N4BP2: variants seen among roughly 807,000 people sequenced by gnomAD.
N4BP2 encodes the protein NEDD4 binding protein 2.
In N4BP2, 91 loss-of-function variants were observed where a neutral mutation model predicts 152.8. The observed-to-expected ratio is 0.60, with a 90% CI of 0.50 to 0.71. The LOEUF is 0.71. Ranked by LOEUF, N4BP2 falls within the 30% of genes least tolerant of loss-of-function variation. The pLI is 0.00. For missense variants in N4BP2, 1,923 were observed against 2,059.1 expected, an observed-to-expected ratio of 0.93 and a Z score of 1.28; for synonymous variants, 646 against 705.3, an observed-to-expected ratio of 0.92 and a Z score of 1.33.
At chr4:40,100,782 G>A (rs746636783) in intron 3 of N4BP2, among the ~76,000 whole-genome samples, 19 of 152,190 alleles carry the variant, frequency 1.2e-4, no homozygotes, top group Non-Finnish European at 2.5e-4. Flanking sequence ...CTTGGGTCAA[G>A]TTAATGTACT....
At chr4:40,102,030 T>C (rs1417059826) in intron 3 of N4BP2, 45 bp from the exon 4 acceptor site, 5 of 1,175,532 alleles carry the variant, frequency 4.3e-6, no homozygotes, top group Non-Finnish European at 5.9e-6. Context: ...ATCTGTTTTC[T>C]CTGTCTATAT....
the N4BP2 span, among the ~76,000 whole-genome samples, chr4:40,175,338 G>GAAAAAAAAAAAAAAAAA: frequency 9.6e-6 from 1 of 103,744 alleles, no homozygotes. Flanking sequence ...GTGAAATATA[G>GAAAAAAAAAAAAAAAAA]AAAAAAAAAA....
chr4:40,062,340 T>C (rs927932551), intron 1 of N4BP2, among the ~76,000 whole-genome samples: 1 of 152,082 alleles, frequency 6.6e-6, no homozygotes, highest in African/African-American at 2.4e-5. Flanking sequence ...TAATATCTCT[T>C]GAATCTGTTC....
the N4BP2 span, among the ~76,000 whole-genome samples, chr4:40,183,819 GTC>G: frequency 1.1e-4 from 17 of 152,318 alleles, no homozygotes; most frequent in Middle Eastern, 3.4e-3. Context: ...CTTCTGCTGT[GTC>G]TCTCTGCAGT....
chr4:40,142,681 AT>A lies in N4BP2; in HGVS notation c.4796del (p.Leu1599Ter). 6.2e-7 allele frequency: 1 copy of A among 1,605,384 alleles called. No homozygotes were observed. Among genetic ancestry groups the A allele is most frequent in the Non-Finnish European group, 8.5e-7 (1 of 1,177,292 alleles). On this transcript the variant is annotated frameshift_variant, in exon 15 of 18. Transcript: ENST00000261435. LOFTEE classifies it high-confidence loss of function. ...QKSKEKKPKK[L>X]KETEETPSEL... is the part of the protein sequence containing the mutation. ...TGTTTAATATCTTATAGCCAAAGAA[AT>A]TAAAAGAGACTGAAGAAACACCAAG...
At chr4:40,082,123 A>G (rs959746951) in intron 2 of N4BP2, among the ~76,000 whole-genome samples, 5 of 152,006 alleles carry the variant, frequency 3.3e-5, no homozygotes, top group Non-Finnish European at 7.4e-5. Context: ...AAAAAATAAC[A>G]AAATAAATTG....
At chr4:40,066,535 GTCT>G (rs1381827862) in intron 1 of N4BP2, among the ~76,000 whole-genome samples, 1 of 150,508 alleles carries the variant, frequency 6.6e-6, no homozygotes, top group East Asian at 2.0e-4. Context: ...GGCCAGGCTG[GTCT>G]TGAACTCCTG....
In N4BP2 at chr4:40,101,985, A is replaced by G. The variant is rs549031621; in HGVS notation, c.230-90A>G. On this transcript the variant is annotated intron_variant, in intron 3 of 17. Transcript: ENST00000261435. ...TATATTCTGTTCAATGCAAAATCCA[A>G]TATAATTTTAGCTGGATTTTAATAA... is the stretch of plus-strand genomic sequence containing the variant. The G allele has an allele frequency of 1.4e-4, 109 of 784,666 alleles. No homozygotes were observed. The African/African-American group carries it at 1.8e-3, about 13-fold the overall frequency. 48.6% of individuals were successfully genotyped at this position (784,666 alleles called of 1,614,324 possible).
intron 13 of N4BP2, among the ~76,000 whole-genome samples, chr4:40,133,402 C>T (rs1403777690): frequency 1.3e-5 from 2 of 152,136 alleles, no homozygotes; most frequent in Non-Finnish European, 2.9e-5. Flanking sequence ...GTGGCACCAT[C>T]GTGGCTCACT....
Position 40,120,552 on chromosome 4 carries a change from A to C in N4BP2, c.2441A>C (p.Gln814Pro), listed in dbSNP as rs747854473. Residue 814 changes from glutamine (Q) to proline (P), a missense_variant, in exon 9 of 18, where the codon CAA becomes CCA. Transcript: ENST00000261435. ...AAAACTGAAAAAACTTCATCCGTACAAAGCGACAAAAAGTATAATTACCCT... is the reference window on the plus strand; with the variant it reads ...AAAACTGAAAAAACTTCATCCGTACCAAGCGACAAAAAGTATAATTACCCT... ...NRKTEKTSSV[Q>P]SDKKYNYPQS... 1 of 1,614,118 alleles carries C rather than the reference A, an allele frequency of 6.2e-7. No individual in the cohort carries two copies. The highest frequency in any genetic ancestry group is 1.7e-5 in the Admixed American group (1 of 60,028).
At chr4:40,063,285 G>A (rs1000745906) in intron 1 of N4BP2, among the ~76,000 whole-genome samples, 2 of 152,176 alleles carry the variant, frequency 1.3e-5, no homozygotes, top group Non-Finnish European at 2.9e-5. Context: ...AATAAGGATG[G>A]CCATGAAGAG....
intron 5 of N4BP2, among the ~76,000 whole-genome samples, chr4:40,108,733 A>C (rs1486800858): frequency 1.3e-5 from 2 of 152,168 alleles, no homozygotes; most frequent in Non-Finnish European, 2.9e-5. Flanking sequence ...TATTCAGTGA[A>C]GATAGTTTTA....
intron 11 of N4BP2, 148 bp from the exon 12 acceptor site, chr4:40,125,986 A>T (rs1334956229): frequency 2.2e-6 from 1 of 449,452 alleles, no homozygotes; most frequent in African/African-American, 2.0e-5. Context: ...GTGAAGATGT[A>T]TTTTACAATT....
At chr4:40,152,680 C>A in intron 16 of N4BP2, 100 bp from the exon 17 acceptor site, 1 of 1,373,418 alleles carries the variant, frequency 7.3e-7, no homozygotes, top group Non-Finnish European at 1.0e-6. Flanking sequence ...CCAAAATCCT[C>A]ATGAAAACAA....
chr4:40,127,592 A>G (rs1718526610), intron 12 of N4BP2, among the ~76,000 whole-genome samples: 1 of 152,004 alleles, frequency 6.6e-6, no homozygotes, highest in African/African-American at 2.4e-5. Flanking sequence ...TCTTATTTAA[A>G]GATAATTATA....
chr4:40,117,995 T>C lies in N4BP2; in HGVS notation c.1791T>C (p.Cys597=). Residue 597 remains cysteine (C), a synonymous_variant, in exon 8 of 18, where the codon TGT becomes TGC. Transcript: ENST00000261435. ...VPEKIERIEL[C]AYSCEDRSTS... ...AGAAAATTGAACGTATTGAGTTGTG[T>C]GCATATTCTTGTGAGGATAGAAGCA... 6.2e-7 allele frequency: 1 copy of C among 1,606,084 alleles called. No homozygotes were observed. Among genetic ancestry groups the C allele is most frequent in the Non-Finnish European group, 8.5e-7 (1 of 1,176,278 alleles).
intron 1 of N4BP2, among the ~76,000 whole-genome samples, chr4:40,066,317 T>C (rs890134925): frequency 9.0e-6 from 1 of 111,152 alleles, no homozygotes; most frequent in African/African-American, 3.4e-5. Flanking sequence ...TTTGTGATTT[T>C]CCCTTTTTTT....
chr4:40,139,424 G>C (rs1719701359), intron 14 of N4BP2, among the ~76,000 whole-genome samples: 1 of 151,404 alleles, frequency 6.6e-6, no homozygotes, highest in Non-Finnish European at 1.5e-5. Context: ...TTTATTTTTG[G>C]ATTGTTTATT....
intron 16 of N4BP2, among the ~76,000 whole-genome samples, chr4:40,148,242 A>T (rs1720790382): frequency 6.6e-6 from 1 of 152,222 alleles, no homozygotes; most frequent in Non-Finnish European, 1.5e-5. Context: ...CGCGGTTAGG[A>T]GCTGGAGAGC....
Sources: allele counts gnomAD v4.1 joint callset (sites outside exome capture counted in the v4.1 genomes callset), GRCh38; gene constraint gnomAD v4.1.1; transcripts MANE v1.5; gene names NCBI Gene and HGNC (gene_info 2026-07-23, HGNC 2026-07-21).